The following ACOXL variants were observed in gnomAD, a reference collection of about 807,000 sequenced individuals.
The protein encoded by ACOXL is acyl-coenzyme A oxidase-like protein.
Under a neutral mutation model 71.9 loss-of-function variants are expected in ACOXL, and 70 were observed. That is an observed-to-expected ratio of 0.97 (90% CI 0.80 to 1.19). ACOXL has a LOEUF of 1.19. Ranked by LOEUF, ACOXL falls within the 50% of genes most tolerant of loss-of-function variation. ACOXL has a pLI of 0.00. For missense variants in ACOXL, 703 were observed against 736.3 expected, an observed-to-expected ratio of 0.95 and a Z score of 0.52; for synonymous variants, 253 against 281.6, an observed-to-expected ratio of 0.90 and a Z score of 1.02.
intron 1 of ACOXL, among the ~76,000 whole-genome samples, chr2:110,745,754 G>C (rs1346325137): frequency 6.6e-6 from 1 of 152,190 alleles, no homozygotes; most frequent in Admixed American, 6.5e-5. Context: ...TCTGACTAAA[G>C]AGATGAAGTG....
chr2:110,749,824 G>C (rs1299633056), intron 1 of ACOXL, among the ~76,000 whole-genome samples: 2 of 152,162 alleles, frequency 1.3e-5, no homozygotes, highest in Non-Finnish European at 2.9e-5. Context: ...TCCTATCCAG[G>C]ATGCCACACT....
At chr2:110,880,153 CAAAA>C (rs56852121) in intron 10 of ACOXL, among the ~76,000 whole-genome samples, 93 of 84,720 alleles carry the variant, frequency 1.1e-3, no homozygotes, top group Admixed American at 3.4e-3. Flanking sequence ...CTGTCACAAA[CAAAA>C]AAAAAAAAAA....
chr2:110,869,610 T>C (rs1204903646), intron 10 of ACOXL, among the ~76,000 whole-genome samples: 1 of 152,198 alleles, frequency 6.6e-6, no homozygotes, highest in Non-Finnish European at 1.5e-5. Flanking sequence ...ATCTGTGTCA[T>C]GCTGGAGTCC....
chr2:110,811,730 TACACACACACACACACAC>T (rs780039810), intron 9 of ACOXL, among the ~76,000 whole-genome samples: 17 of 101,660 alleles, frequency 1.7e-4, no homozygotes, highest in South Asian at 1.6e-3. Context: ...TTTTTTTGCA[TACACACACACACACACAC>T]ACACACACAC....
At chr2:110,776,185 GTACACTGT>G (rs1209043002) in intron 2 of ACOXL, among the ~76,000 whole-genome samples, 2 of 152,190 alleles carry the variant, frequency 1.3e-5, no homozygotes, top group African/African-American at 2.4e-5. Context: ...GATAAATACG[GTACACTGT>G]TACATGAAGT....
rs1011582027 is a variant in ACOXL, at chr2:111,013,963, A to T, written c.1282-17664A>T. ...TCAAAACATGTCAATAAAATATACA[A>T]TACTAACAAAGGAGAGAGCATATGA... On this transcript the variant is annotated intron_variant, in intron 14 of 17. Transcript: ENST00000439055. Among the ~76,000 whole-genome samples, 5 of 152,260 alleles carry T rather than the reference A, an allele frequency of 3.3e-5. No homozygotes were observed. In the East Asian group the frequency reaches 9.6e-4, roughly 29 times the overall value.
At chr2:110,862,923 G>A (rs772904309) in intron 10 of ACOXL, among the ~76,000 whole-genome samples, 1 of 152,302 alleles carries the variant, frequency 6.6e-6, no homozygotes, top group Middle Eastern at 3.4e-3. Context: ...GGGCCCCGCA[G>A]CAGCTACCAC....
At chr2:110,943,600 G>C (rs992212504) in intron 12 of ACOXL, among the ~76,000 whole-genome samples, 2 of 152,152 alleles carry the variant, frequency 1.3e-5, no homozygotes, top group Non-Finnish European at 2.9e-5. Flanking sequence ...CTTACTCTCT[G>C]CATTTGCACA....
chr2:110,974,763 C>T (rs950173153), intron 12 of ACOXL, among the ~76,000 whole-genome samples: 1 of 152,190 alleles, frequency 6.6e-6, no homozygotes, highest in African/African-American at 2.4e-5. Flanking sequence ...AGATATGTGC[C>T]TGCTGACGGG....
chr2:110,786,136 C>T (rs1683929765), intron 3 of ACOXL, among the ~76,000 whole-genome samples: 1 of 152,218 alleles, frequency 6.6e-6, no homozygotes, highest in African/African-American at 2.4e-5. Context: ...CCTCCCTGGA[C>T]ACCACTGGAT....
At chr2:110,957,641 G>A (rs1484640243) in intron 12 of ACOXL, among the ~76,000 whole-genome samples, 1 of 152,146 alleles carries the variant, frequency 6.6e-6, no homozygotes, top group Non-Finnish European at 1.5e-5. Flanking sequence ...TTATAAGGAT[G>A]CCAGGCAATA....
chr2:110,847,678 A>G (rs1012055546), intron 10 of ACOXL, among the ~76,000 whole-genome samples: 32 of 152,196 alleles, frequency 2.1e-4, no homozygotes, highest in Admixed American at 2.0e-3. Context: ...CATCCTGTTC[A>G]GGCCTGTGCC....
chr2:111,009,487 C>T (rs1328229405), intron 14 of ACOXL, among the ~76,000 whole-genome samples: 1 of 149,112 alleles, frequency 6.7e-6, no homozygotes, highest in Non-Finnish European at 1.5e-5. Flanking sequence ...GCACTCCACC[C>T]TGGGTGACAG....
At chr2:110,746,830 G>C (rs1678286845) in intron 1 of ACOXL, among the ~76,000 whole-genome samples, 1 of 134,372 alleles carries the variant, frequency 7.4e-6, no homozygotes, top group African/African-American at 2.9e-5. Flanking sequence ...CCGCCCTTTA[G>C]TTGCCTTCAC....
chr2:111,093,181 C>T (rs2068625812), intron 17 of ACOXL, among the ~76,000 whole-genome samples: 1 of 139,672 alleles, frequency 7.2e-6, no homozygotes, highest in Non-Finnish European at 1.5e-5. Flanking sequence ...AGTTTTCTAA[C>T]ATGAAAAGGA....
At chr2:110,915,888 G>A (rs961733671) in intron 11 of ACOXL, among the ~76,000 whole-genome samples, 3 of 151,998 alleles carry the variant, frequency 2.0e-5, no homozygotes, top group African/African-American at 7.2e-5. Context: ...AAAAAAAATA[G>A]GAAAGTGATC....
intron 10 of ACOXL, among the ~76,000 whole-genome samples, chr2:110,858,483 C>T (rs943950976): frequency 6.6e-5 from 10 of 152,202 alleles, no homozygotes; most frequent in Admixed American, 4.6e-4. Context: ...TAATAGATTT[C>T]TGGGGTAAGA....
chr2:110,764,480 A>G (rs1319655932), intron 1 of ACOXL, among the ~76,000 whole-genome samples: 1 of 152,228 alleles, frequency 6.6e-6, no homozygotes, highest in Non-Finnish European at 1.5e-5. Context: ...TGGAGACAGT[A>G]AAAAGATCAG....
At chr2:111,021,204 C>T (rs1157445135) in intron 14 of ACOXL, among the ~76,000 whole-genome samples, 1 of 152,082 alleles carries the variant, frequency 6.6e-6, no homozygotes, top group Non-Finnish European at 1.5e-5. Context: ...AGGAAAGCAC[C>T]TTGTACTTCA....
Sources: allele counts gnomAD v4.1 joint callset (sites outside exome capture counted in the v4.1 genomes callset), GRCh38; gene constraint gnomAD v4.1.1; transcripts MANE v1.5; gene names NCBI Gene and HGNC (gene_info 2026-07-23, HGNC 2026-07-21).